The following SLC7A9 variants were observed in gnomAD, a reference collection of about 807,000 sequenced individuals.
The protein encoded by SLC7A9 is solute carrier family 7 member 9.
In SLC7A9, 38 loss-of-function variants were observed where a neutral mutation model predicts 54.1. The observed-to-expected ratio is 0.70, with a 90% CI of 0.54 to 0.92. The LOEUF (loss-of-function observed/expected upper bound fraction) is 0.92. Among genes scored for constraint, SLC7A9 ranks in the 40% least tolerant of loss-of-function variants. SLC7A9 has a pLI of 0.00. For synonymous variants in SLC7A9, 264 were observed against 258.9 expected, an observed-to-expected ratio of 1.02 and a Z score of -0.19; for missense variants, 537 against 636.1, an observed-to-expected ratio of 0.84 and a Z score of 1.68.
At chr19:32,838,592 C>T (rs985124532) in intron 11 of SLC7A9, among the ~76,000 whole-genome samples, 8 of 147,128 alleles carry the variant, frequency 5.4e-5, no homozygotes, top group South Asian at 2.1e-4. Context: ...TATATAAAAA[C>T]GTATATTATA....
At position 32,869,036 on chromosome 19, in the gene SLC7A9, C is replaced by T. The variant is rs571968348; in HGVS notation, c.-111-391G>A. ...CCAGCCTGGCTAACATGGCGAACCC[C>T]GTCTCTACTAAAAATGCAAAAAAAA... On this transcript the variant is annotated intron_variant, in intron 1 of 12. Transcript: ENST00000023064. Among the ~76,000 whole-genome samples the T allele has an allele frequency of 9.5e-5, 14 of 147,958 alleles. No individual in the cohort carries two copies. In the Admixed American group the frequency reaches 9.5e-4, roughly 10 times the overall value.
intron 9 of SLC7A9, among the ~76,000 whole-genome samples, chr19:32,848,820 T>G (rs1237756608): frequency 6.6e-6 from 1 of 152,024 alleles, no homozygotes; most frequent in Admixed American, 6.6e-5. Flanking sequence ...AGGACAGAAA[T>G]TATAACAAAC....
chr19:32,851,444 A>G (rs2145825436), intron 9 of SLC7A9, among the ~76,000 whole-genome samples: 1 of 151,870 alleles, frequency 6.6e-6, no homozygotes, highest in Admixed American at 6.6e-5. Context: ...TGGCCATCAG[A>G]GAAATGCAAA....
At chr19:32,844,895 TG>T (rs1453509769) in intron 9 of SLC7A9, among the ~76,000 whole-genome samples, 1 of 121,202 alleles carries the variant, frequency 8.3e-6, no homozygotes, top group Non-Finnish European at 1.8e-5. Context: ...CCAGATGTGA[TG>T]GCTTACACCT....
At position 32,868,617 on chromosome 19, in the gene SLC7A9, G is replaced by T. The variant is rs1332646272; in HGVS notation, c.-83C>A. 1 of 1,176,770 alleles carries T rather than the reference G, an allele frequency of 8.5e-7. No homozygotes were observed. Among genetic ancestry groups the T allele is most frequent in the Non-Finnish European group, 1.3e-6 (1 of 783,862 alleles). The allele number at this position is 1,176,770 out of a possible 1,614,324, so 72.9% of individuals were successfully genotyped here. ...CAGCAGCAGCAGACAAGACGCAAGTGCAAGCTCGGCCTGGACTAGGGGAGC... is the reference window on the plus strand; with the variant it reads ...CAGCAGCAGCAGACAAGACGCAAGTTCAAGCTCGGCCTGGACTAGGGGAGC... On this transcript the variant is annotated 5_prime_UTR_variant, in exon 2 of 13. Coordinates refer to ENST00000023064, the MANE Select transcript of SLC7A9 (RefSeq NM_014270.5).
At chr19:32,860,373 A>G in intron 7 of SLC7A9, 1 of 1,352,776 alleles carries the variant, frequency 7.4e-7, no homozygotes, top group Non-Finnish European at 9.7e-7. Flanking sequence ...CCTGGCCAAC[A>G]TGGCAAAATC....
chr19:32,831,595 G>A (rs1212720340), intron 12 of SLC7A9, among the ~76,000 whole-genome samples: 1 of 152,172 alleles, frequency 6.6e-6, no homozygotes, highest in Non-Finnish European at 1.5e-5. Context: ...GCCCGATATA[G>A]ACTTTTTTAA....
chr19:32,844,857 C>CAAAAAAAAAAA lies in SLC7A9; in HGVS notation c.978-917_978-907dup, dbSNP rs386388892. On this transcript the variant is annotated intron_variant, in intron 9 of 12. Coordinates refer to ENST00000023064, the MANE Select transcript of SLC7A9 (RefSeq NM_014270.5). ...TGGACGACAGAGTGAGAATCCATCT[C>CAAAAAAAAAAA]AAAAAAAAAAAAAAAAAAAAAAAAA... Among the ~76,000 whole-genome samples the CAAAAAAAAAAA allele has an allele frequency of 2.3e-4, 7 of 30,314 alleles. 2 individuals carry two copies. The highest frequency in any genetic ancestry group is 2.9e-4 in the Non-Finnish European group (5 of 16,988). The allele number at this position is 30,314 out of a possible 152,430, so 19.9% of individuals were successfully genotyped here.
At chr19:32,832,796 C>CAA in intron 12 of SLC7A9, 1 of 304,500 alleles carries the variant, frequency 3.3e-6, no homozygotes, top group Non-Finnish European at 6.4e-6. Flanking sequence ...GTGGTCCCAG[C>CAA]TACTTGGGAG....
chr19:32,858,071 A>G (rs1053082865), intron 9 of SLC7A9, among the ~76,000 whole-genome samples: 7 of 152,242 alleles, frequency 4.6e-5, no homozygotes, highest in African/African-American at 1.7e-4. Context: ...TATGTGAAAA[A>G]TATCACTAGG....
intron 5 of SLC7A9, 77 bp downstream of exon 5, chr19:32,862,384 G>T: frequency 1.3e-6 from 2 of 1,592,646 alleles, no homozygotes; most frequent in South Asian, 2.2e-5. Flanking sequence ...ATGGGCTCGT[G>T]GGGCAAGGCT....
At chr19:32,851,335 AC>A (rs1968460741) in intron 9 of SLC7A9, among the ~76,000 whole-genome samples, 1 of 152,150 alleles carries the variant, frequency 6.6e-6, no homozygotes, top group Non-Finnish European at 1.5e-5. Context: ...CAAGAAAAAA[AC>A]AACCCCATCA....
chr19:32,830,836 G>A (rs1222822135), intron 12 of SLC7A9, 152 bp from the exon 13 acceptor site: 3 of 705,850 alleles, frequency 4.3e-6, no homozygotes, highest in Admixed American at 2.0e-5. Context: ...CCTGCCTTCT[G>A]GTTGGATTTC....
Position 32,859,963 on chromosome 19 carries a change from T to G in SLC7A9, c.751A>C (p.Asn251His), listed in dbSNP as rs1348931933. The change falls in exon 8 of 13, where the codon AAC becomes CAC. Residue 251 changes from asparagine (N) to histidine (H), a missense_variant and splice_region_variant. Coordinates refer to ENST00000023064, the MANE Select transcript of SLC7A9 (RefSeq NM_014270.5). ...ITEELRNPYR[N>H]LPLAIIIGIP... ...CCGATGATAATGGCCAAAGGCAGGTTTCTGGGAGGGGCAATGACACGGAGA... is the reference window on the plus strand; with the variant it reads ...CCGATGATAATGGCCAAAGGCAGGTGTCTGGGAGGGGCAATGACACGGAGA... 17 of 1,613,896 alleles carry G rather than the reference T, an allele frequency of 1.1e-5. No individual in the cohort carries two copies. Among genetic ancestry groups the G allele is most frequent in the Non-Finnish European group, 1.4e-5 (16 of 1,179,992 alleles).
intron 10 of SLC7A9, among the ~76,000 whole-genome samples, chr19:32,843,013 C>T (rs1181158284): frequency 6.6e-6 from 1 of 152,006 alleles, no homozygotes; most frequent in Non-Finnish European, 1.5e-5. Context: ...GGTGTGTTTT[C>T]CTGTCTTCAG....
chr19:32,856,931 T>C (rs374579704), intron 9 of SLC7A9, among the ~76,000 whole-genome samples: 1 of 151,998 alleles, frequency 6.6e-6, no homozygotes. Flanking sequence ...GGCAGGTGGA[T>C]CACGAGGTCA....
chr19:32,864,059 G>T (rs1290843760), intron 4 of SLC7A9, 37 bp downstream of exon 4: 2 of 1,613,136 alleles, frequency 1.2e-6, no homozygotes, highest in African/African-American at 2.7e-5. Flanking sequence ...TCTGTGCCAG[G>T]TCTTTTCTGA....
At chr19:32,852,177 ATAAAAT>A (rs1968489395) in intron 9 of SLC7A9, among the ~76,000 whole-genome samples, 1 of 152,024 alleles carries the variant, frequency 6.6e-6, no homozygotes. Flanking sequence ...TGTAATAATA[ATAAAAT>A]TAAAAAAAAA....
At chr19:32,855,224 C>T (rs761183913) in intron 9 of SLC7A9, among the ~76,000 whole-genome samples, 1 of 152,112 alleles carries the variant, frequency 6.6e-6, no homozygotes, top group Non-Finnish European at 1.5e-5. Flanking sequence ...CATGATCTCC[C>T]TTATGTATTA....
Sources: allele counts gnomAD v4.1 joint callset (sites outside exome capture counted in the v4.1 genomes callset), GRCh38; gene constraint gnomAD v4.1.1; transcripts MANE v1.5; gene names NCBI Gene and HGNC (gene_info 2026-07-23, HGNC 2026-07-21).